Variants in TBX15 observed in about 807,000 individuals in gnomAD.
TBX15 encodes T-box transcription factor 15, also known as T-box transcription factor TBX15.
Under a neutral mutation model 53.9 loss-of-function variants are expected in TBX15, and 18 were observed. That is an observed-to-expected ratio of 0.33 (90% CI 0.23 to 0.49). The LOEUF (loss-of-function observed/expected upper bound fraction) is 0.49, where lower values mean the gene tolerates loss of function less well. TBX15 is among the 20% of genes least tolerant of loss of function. The probability of loss-of-function intolerance (pLI) is 0.98; values close to 1 mark genes in which losing one functional copy is unlikely to be tolerated. For missense variants in TBX15, 692 were observed against 749.5 expected, an observed-to-expected ratio of 0.92 and a Z score of 0.90; for synonymous variants, 295 against 278.0, an observed-to-expected ratio of 1.06 and a Z score of -0.61.
chr1:118,928,278 T>C (rs1557887705), intron 2 of TBX15, among the ~76,000 whole-genome samples: 1 of 152,322 alleles, frequency 6.6e-6, no homozygotes, highest in African/African-American at 2.4e-5. Context: ...AATTAATGCA[T>C]AACTATTTCA....
chr1:118,982,125 G>A (rs1247347911), intron 1 of TBX15, among the ~76,000 whole-genome samples: 1 of 152,170 alleles, frequency 6.6e-6, no homozygotes, highest in Non-Finnish European at 1.5e-5. Flanking sequence ...TAATCGAATG[G>A]AGTCCTGTTT....
chr1:118,925,203 C>T (rs988827341), intron 3 of TBX15, among the ~76,000 whole-genome samples: 1 of 152,198 alleles, frequency 6.6e-6, no homozygotes, highest in African/African-American at 2.4e-5. Context: ...TTACTGCAAC[C>T]TTTCACCTTT....
intron 6 of TBX15, among the ~76,000 whole-genome samples, chr1:118,913,490 T>G (rs967999168): frequency 6.6e-6 from 1 of 152,096 alleles, no homozygotes; most frequent in South Asian, 2.1e-4. Context: ...AATGACACAG[T>G]CTCTAAGGAC....
At position 118,893,340 on chromosome 1, in the gene TBX15, G is replaced by A. The variant is rs1338200454; in HGVS notation, c.1024+5688C>T. Among the ~76,000 whole-genome samples, 101 of 51,716 alleles carry A rather than the reference G, an allele frequency of 2.0e-3. 1 individual carries two copies. The highest frequency in any genetic ancestry group is 7.0e-3 in the African/African-American group (54 of 7,672). 33.9% of individuals were successfully genotyped at this position (51,716 alleles called of 152,430 possible). The stretch of plus-strand genomic sequence containing the variant: ...AAAGAAAGAAAGAAGAAAGAAGGAA[G>A]GAAGGAAGGAAGGAAGGAAAGAAAG... On this transcript the variant is annotated intron_variant, in intron 7 of 7. Transcript: ENST00000369429.
chr1:118,919,555 A>G (rs1230427675), intron 5 of TBX15, among the ~76,000 whole-genome samples: 2 of 152,220 alleles, frequency 1.3e-5, no homozygotes, highest in African/African-American at 4.8e-5. Flanking sequence ...ATGAAAATAG[A>G]AAAGCTCTCT....
chr1:118,914,750 T>A (rs1309088705), intron 5 of TBX15, among the ~76,000 whole-genome samples: 2 of 152,212 alleles, frequency 1.3e-5, no homozygotes, highest in Non-Finnish European at 2.9e-5. Flanking sequence ...GAAATGTTCA[T>A]GTAGAAGACA....
At chr1:118,939,671 A>G (rs1656102178) in intron 1 of TBX15, among the ~76,000 whole-genome samples, 2 of 149,222 alleles carry the variant, frequency 1.3e-5, no homozygotes, top group South Asian at 2.1e-4. Flanking sequence ...AAACCTGCAC[A>G]GGTATCCCCT....
chr1:118,926,228 C>T (rs926547549), intron 3 of TBX15, among the ~76,000 whole-genome samples: 9 of 152,146 alleles, frequency 5.9e-5, no homozygotes, highest in East Asian at 5.8e-4. Flanking sequence ...ATGTTAATCA[C>T]TTCCAATGTT....
intron 7 of TBX15, among the ~76,000 whole-genome samples, chr1:118,893,573 GGAAA>G (rs1207365757): frequency 0.016 from 1,691 of 103,486 alleles, 116 homozygotes; most frequent in African/African-American, 0.079. Flanking sequence ...AAGGAAGGAA[GGAAA>G]GAAAGAAAGG....
chr1:118,988,200 T>C lies in TBX15; in HGVS notation c.-405A>G, dbSNP rs575476409. On this transcript the variant is annotated 5_prime_UTR_variant, in exon 1 of 8. Coordinates refer to ENST00000369429, the MANE Select transcript of TBX15 (RefSeq NM_001330677.2). ...TCCCTCTCTTTTTCTCTCCTCCCCC[T>C]CTCTCTCTCTTCCTCTCTGCCTTCC... 19 of 175,052 alleles carry C rather than the reference T, an allele frequency of 1.1e-4. No individual in the cohort carries two copies. The highest frequency in any genetic ancestry group is 2.9e-4 in the African/African-American group (12 of 41,888). 10.8% of individuals were successfully genotyped at this position (175,052 alleles called of 1,614,324 possible).
chr1:118,924,568 A>G, intron 4 of TBX15, 78 bp downstream of exon 4: 1 of 1,571,560 alleles, frequency 6.4e-7, no homozygotes, highest in Non-Finnish European at 8.8e-7. Flanking sequence ...TACCTATTTG[A>G]AAAAGACTGG....
At chr1:118,964,199 C>T (rs1344167937) in intron 1 of TBX15, among the ~76,000 whole-genome samples, 1 of 152,246 alleles carries the variant, frequency 6.6e-6, no homozygotes, top group Non-Finnish European at 1.5e-5. Context: ...TATTAAGCCA[C>T]TAAGACTTCA....
Position 118,988,203 on chromosome 1 carries a change from C to T in TBX15, c.-408G>A, listed in dbSNP as rs542823603. The T allele has an allele frequency of 2.6e-4, 47 of 182,434 alleles. No individual in the cohort carries two copies. Among genetic ancestry groups the T allele is most frequent in the Non-Finnish European group, 4.7e-4 (42 of 88,598 alleles). The allele number at this position is 182,434 out of a possible 1,614,324, so 11.3% of individuals were successfully genotyped here. A position where few individuals can be genotyped will look rare whatever the true frequency, so the allele number is the denominator to read the frequency against. On this transcript the variant is annotated 5_prime_UTR_variant, in exon 1 of 8. Transcript: ENST00000369429. ...CTCTCTTTTTCTCTCCTCCCCCTCTCTCTCTCTTCCTCTCTGCCTTCCCGT... is the reference window on the plus strand; with the variant it reads ...CTCTCTTTTTCTCTCCTCCCCCTCTTTCTCTCTTCCTCTCTGCCTTCCCGT...
intron 5 of TBX15, among the ~76,000 whole-genome samples, chr1:118,919,116 T>A (rs1278800322): frequency 6.6e-6 from 1 of 152,236 alleles, no homozygotes; most frequent in Admixed American, 6.5e-5. Context: ...CTGGTTCATG[T>A]AGCCAATTCT....
chr1:118,955,163 T>C (rs529151191), intron 1 of TBX15, among the ~76,000 whole-genome samples: 116 of 152,334 alleles, frequency 7.6e-4, no homozygotes, highest in South Asian at 1.2e-3. Context: ...ACAGGTTTAT[T>C]TTTATCTAAA....
intron 1 of TBX15, among the ~76,000 whole-genome samples, chr1:118,932,892 C>T (rs1655847140): frequency 6.6e-6 from 1 of 152,144 alleles, no homozygotes; most frequent in Non-Finnish European, 1.5e-5. Flanking sequence ...GCCTAAGAAT[C>T]CATTTCTCTA....
chr1:118,925,638 C>T (rs1655570905), intron 3 of TBX15, among the ~76,000 whole-genome samples: 2 of 152,106 alleles, frequency 1.3e-5, no homozygotes, highest in Non-Finnish European at 2.9e-5. Flanking sequence ...GGACCTGGAC[C>T]CTGAGAAATA....
chr1:118,929,711 G>A (rs2101608631), intron 2 of TBX15, among the ~76,000 whole-genome samples: 1 of 152,266 alleles, frequency 6.6e-6, no homozygotes, highest in South Asian at 2.1e-4. Context: ...GTCACAAGAA[G>A]GTTGTCAAGG....
At chr1:118,918,507 C>T (rs1401220001) in intron 5 of TBX15, among the ~76,000 whole-genome samples, 1 of 152,126 alleles carries the variant, frequency 6.6e-6, no homozygotes, top group Non-Finnish European at 1.5e-5. Flanking sequence ...AGAACAAGGT[C>T]TATTAGTAAT....
Sources: gnomAD v4.1 joint callset for allele counts (sites outside exome capture counted in the v4.1 genomes callset) on GRCh38, gnomAD v4.1.1 for gene constraint, MANE v1.5 for transcripts, NCBI Gene and HGNC (gene_info 2026-07-23, HGNC 2026-07-21) for gene names.